PAX2: variants seen among roughly 807,000 people sequenced by gnomAD.
PAX2 encodes paired box 2, also known as paired box protein Pax-2.
In PAX2, 9 loss-of-function variants were observed where a neutral mutation model predicts 41.7. That is an observed-to-expected ratio of 0.22 (90% CI 0.13 to 0.38). The LOEUF (loss-of-function observed/expected upper bound fraction) is 0.38, where lower values mean the gene tolerates loss of function less well. Ranked by LOEUF, PAX2 falls within the 10% of genes least tolerant of loss-of-function variation. PAX2 has a pLI of 1.00. For synonymous variants in PAX2, 221 were observed against 212.7 expected (o/e 1.04, Z -0.34); for missense variants, 418 against 531.6 (o/e 0.79, Z 2.10).
rs189545740 is a variant in PAX2, at chr10:100,791,757, G to T, written c.616+10392G>T. On this transcript the variant is annotated intron_variant, in intron 5 of 9. Coordinates refer to ENST00000355243, the MANE Select transcript of PAX2 (RefSeq NM_000278.5). This position sits in a 1 kb window ranked among gnomAD's most constrained non-coding sequence, Gnocchi z 4.5. Reference sequence around the variant, plus strand: ...TTTGGTAGGAGTGACTCCAGGAGCCGTTCTTTCCTCCTTTCTTCCCTCCTC... The same window carrying T: ...TTTGGTAGGAGTGACTCCAGGAGCCTTTCTTTCCTCCTTTCTTCCCTCCTC... Among the ~76,000 whole-genome samples the T allele has an allele frequency of 2.0e-5, 3 of 152,176 alleles. No individual in the cohort carries two copies. The highest frequency in any genetic ancestry group is 7.2e-5 in the African/African-American group (3 of 41,448).
intron 6 of PAX2, among the ~76,000 whole-genome samples, chr10:100,807,976 C>T (rs1847853392): frequency 6.6e-6 from 1 of 152,152 alleles, no homozygotes; most frequent in South Asian, 2.1e-4. Context: ...AGCCATAAAC[C>T]AACAAAGGAG....
intron 1 of PAX2, among the ~76,000 whole-genome samples, chr10:100,738,369 C>G (rs1844842133): frequency 6.6e-6 from 1 of 152,226 alleles, no homozygotes; most frequent in African/African-American, 2.4e-5. Flanking sequence ...GCAGCCTCTG[C>G]TTAGGGCAAA....
chr10:100,790,033 G>A (rs1420745778), intron 5 of PAX2, among the ~76,000 whole-genome samples: 1 of 152,210 alleles, frequency 6.6e-6, no homozygotes, highest in Non-Finnish European at 1.5e-5. Flanking sequence ...CTGCATATAA[G>A]TCCTTGCCTT....
At chr10:100,735,543 A>ACAC (rs1844758677) in exon 1 of PAX2, 1 of 394,018 alleles carries the variant, frequency 2.5e-6, no homozygotes, top group Non-Finnish European at 3.8e-6. Context: ...CGGAGCACAC[A>ACAC]GCCGTGGCGG....
At chr10:100,803,478 G>A (rs978546953) in intron 5 of PAX2, among the ~76,000 whole-genome samples, 4 of 152,002 alleles carry the variant, frequency 2.6e-5, no homozygotes, top group Admixed American at 6.6e-5. Flanking sequence ...GCCCTTGAGA[G>A]CCTATGGTAC....
At position 100,824,272 on chromosome 10, in the gene PAX2, GAGA is replaced by G. The variant is rs1206838585; in HGVS notation, c.920-373_920-371del. ...AGAGACCACAGCTGAATATCTTGCT[GAGA>G]AGGAGGAGTAAAACCAGGTCATCTC... On this transcript the variant is annotated intron_variant, in intron 7 of 9. Transcript: ENST00000355243. This position sits in a 1 kb window ranked among gnomAD's most constrained non-coding sequence, Gnocchi z 6.6. Among the ~76,000 whole-genome samples, 1 of 151,786 alleles carries G rather than the reference GAGA, an allele frequency of 6.6e-6. No individual in the cohort carries two copies. The highest frequency in any genetic ancestry group is 1.9e-4 in the East Asian group (1 of 5,172).
intron 5 of PAX2, among the ~76,000 whole-genome samples, chr10:100,805,019 CACA>C (rs1356932510): frequency 0.045 from 1,124 of 24,726 alleles, 21 homozygotes; most frequent in African/African-American, 0.13. Context: ...CTCTCTCTCT[CACA>C]TACACACACA....
intron 5 of PAX2, among the ~76,000 whole-genome samples, chr10:100,802,980 C>T (rs773457090): frequency 2.5e-4 from 38 of 152,186 alleles, no homozygotes; most frequent in Non-Finnish European, 4.7e-4. Flanking sequence ...GAGACTTTGC[C>T]CTTGGAAAGT....
chr10:100,784,008 A>G (rs945731571), intron 5 of PAX2, among the ~76,000 whole-genome samples: 5 of 151,830 alleles, frequency 3.3e-5, no homozygotes, highest in Non-Finnish European at 5.9e-5. Context: ...GTTCTCCCTG[A>G]CCTCCCCCTC....
rs1347362186 is a variant in PAX2 at position 100,791,492 on chromosome 10, T to C, written c.616+10127T>C. 1.3e-5 allele frequency among the ~76,000 whole-genome samples: 2 copies of C among 152,118 alleles called. No individual in the cohort carries two copies. Among genetic ancestry groups the C allele is most frequent in the Non-Finnish European group, 2.9e-5 (2 of 68,014 alleles). ...GGAAAGCAGCTCCAGGAACCTGCAT[T>C]AAAGTAAATGCAGTTTATGAAGTTT... On this transcript the variant is annotated intron_variant, in intron 5 of 9. Transcript: ENST00000355243. This position sits in a 1 kb window ranked among gnomAD's most constrained non-coding sequence, Gnocchi z 4.5.
chr10:100,756,105 G>A (rs1176677581), intron 3 of PAX2, among the ~76,000 whole-genome samples: 1 of 152,136 alleles, frequency 6.6e-6, no homozygotes, highest in Non-Finnish European at 1.5e-5. Context: ...TGTGCTTGCG[G>A]ACTAGAATGT....
intron 5 of PAX2, among the ~76,000 whole-genome samples, chr10:100,799,634 G>A (rs534668383): frequency 5.3e-5 from 8 of 152,218 alleles, no homozygotes; most frequent in Admixed American, 5.2e-4. Flanking sequence ...GCCTCTCTAA[G>A]ACTATTTCCT....
rs1024440188 is a variant in PAX2 at position 100,750,457 on chromosome 10, G to A, written c.213-237G>A. Among the ~76,000 whole-genome samples the A allele has an allele frequency of 3.9e-5, 6 of 152,140 alleles. No homozygotes were observed. Among genetic ancestry groups the A allele is most frequent in the Non-Finnish European group, 5.9e-5 (4 of 68,026 alleles). On this transcript the variant is annotated intron_variant, in intron 2 of 9. Transcript: ENST00000355243. This position sits in a 1 kb window ranked among gnomAD's most constrained non-coding sequence, Gnocchi z 4.1. ...CACGGGTGCCTATTTGGGCTGGTGC[G>A]AACCCAGCCCCTGGTGTGGCCGTCT...
At chr10:100,822,687 A>G (rs1054421121) in intron 7 of PAX2, among the ~76,000 whole-genome samples, 2 of 152,202 alleles carry the variant, frequency 1.3e-5, no homozygotes, top group African/African-American at 4.8e-5. Context: ...GATGGGTAGA[A>G]TGGTAGGGAT....
At chr10:100,823,721 A>G (rs369294420) in intron 7 of PAX2, among the ~76,000 whole-genome samples, 22 of 152,268 alleles carry the variant, frequency 1.4e-4, no homozygotes, top group African/African-American at 4.6e-4. Context: ...AATTATTATT[A>G]GAGATCAGAG....
intron 5 of PAX2, among the ~76,000 whole-genome samples, chr10:100,785,081 G>A (rs910477893): frequency 3.9e-5 from 6 of 152,194 alleles, no homozygotes; most frequent in Non-Finnish European, 8.8e-5. Context: ...CTTCTTAGCT[G>A]TAATTATGGG....
intron 7 of PAX2, among the ~76,000 whole-genome samples, chr10:100,811,704 G>A (rs953932753): frequency 2.0e-5 from 3 of 152,198 alleles, no homozygotes; most frequent in African/African-American, 7.2e-5. Context: ...AAGAGAAAAG[G>A]AGGCTCTTTT....
intron 5 of PAX2, chr10:100,787,141 A>G: frequency 2.3e-6 from 1 of 428,972 alleles, no homozygotes; most frequent in South Asian, 1.9e-5. Context: ...TCAGGCTTCC[A>G]CTGGGAGACC....
chr10:100,811,880 G>A (rs534615926), intron 7 of PAX2, among the ~76,000 whole-genome samples: 19 of 152,258 alleles, frequency 1.2e-4, no homozygotes, highest in African/African-American at 3.9e-4. Context: ...TGACAGCTGC[G>A]GCTGCAAACC....
Sources: gnomAD v4.1 joint callset for allele counts (sites outside exome capture counted in the v4.1 genomes callset) on GRCh38, gnomAD v4.1.1 for gene constraint, Gnocchi (gnomAD v3.1) non-coding constraint, MANE v1.5 for transcripts, NCBI Gene and HGNC (gene_info 2026-07-23, HGNC 2026-07-21) for gene names.